The following DLGAP1 variants were observed in gnomAD, a reference collection of about 807,000 sequenced individuals.
DLGAP1 encodes disks large-associated protein 1.
DLGAP1 carries 11 observed loss-of-function variants against 90.8 expected under a neutral mutation model. That is an observed-to-expected ratio of 0.12 (90% CI 0.08 to 0.20). DLGAP1 has a LOEUF of 0.20. Ranked by LOEUF, DLGAP1 falls within the 10% of genes least tolerant of loss-of-function variation. The pLI is 1.00. For missense variants in DLGAP1, 1,050 were observed against 1,333.8 expected, an observed-to-expected ratio of 0.79 and a Z score of 3.31; for synonymous variants, 558 against 540.7, an observed-to-expected ratio of 1.03 and a Z score of -0.44.
intron 7 of DLGAP1, among the ~76,000 whole-genome samples, chr18:3,726,636 A>G (rs909321320): frequency 6.6e-6 from 1 of 152,244 alleles, no homozygotes; most frequent in Non-Finnish European, 1.5e-5. Context: ...AGAATCTACT[A>G]TAATGGTTTA....
intron 2 of DLGAP1, among the ~76,000 whole-genome samples, chr18:4,136,904 G>GT (rs534114562): frequency 5.6e-4 from 83 of 149,326 alleles, no homozygotes; most frequent in African/African-American, 1.7e-3. Context: ...ATTTTGATGT[G>GT]GTTTTTTTAT....
chr18:4,077,121 T>C (rs781445186), intron 2 of DLGAP1, among the ~76,000 whole-genome samples: 1 of 152,134 alleles, frequency 6.6e-6, no homozygotes, highest in Non-Finnish European at 1.5e-5. Flanking sequence ...GGTTAAACAA[T>C]CAGATCTTGT....
At chr18:3,657,005 C>T (rs1465541013) in intron 7 of DLGAP1, among the ~76,000 whole-genome samples, 2 of 152,182 alleles carry the variant, frequency 1.3e-5, no homozygotes, top group African/African-American at 4.8e-5. Flanking sequence ...CTCAGCCTCC[C>T]AAAGTGCTGG....
intron 3 of DLGAP1, among the ~76,000 whole-genome samples, chr18:3,884,790 AC>A (rs1201517280): frequency 6.6e-6 from 1 of 152,218 alleles, no homozygotes; most frequent in African/African-American, 2.4e-5. Flanking sequence ...AAATAAGCTA[AC>A]ATTCCTCCTT....
At chr18:4,289,066 CAG>C (rs1300863348) in intron 1 of DLGAP1, among the ~76,000 whole-genome samples, 2 of 152,096 alleles carry the variant, frequency 1.3e-5, no homozygotes, top group Admixed American at 1.3e-4. Flanking sequence ...ATCTTCAGCC[CAG>C]GGCAGGAGTG....
chr18:4,045,216 A>T (rs1415675274), intron 2 of DLGAP1, among the ~76,000 whole-genome samples: 6 of 151,936 alleles, frequency 3.9e-5, no homozygotes, highest in Non-Finnish European at 7.4e-5. Context: ...TTGCCTTAGG[A>T]GCCATCCATG....
chr18:3,529,468 GT>G (rs904041139), intron 10 of DLGAP1, among the ~76,000 whole-genome samples: 7 of 151,294 alleles, frequency 4.6e-5, no homozygotes, highest in Middle Eastern at 3.2e-3. Context: ...ACTTATTGAA[GT>G]TTTTTTTTAG....
At chr18:3,982,558 C>CA (rs1568333573) in intron 3 of DLGAP1, among the ~76,000 whole-genome samples, 1 of 152,232 alleles carries the variant, frequency 6.6e-6, no homozygotes, top group East Asian at 1.9e-4. Flanking sequence ...ATGGGGGTAC[C>CA]TCTCAGAGAC....
chr18:4,308,924 G>C (rs1455598346), intron 1 of DLGAP1, among the ~76,000 whole-genome samples: 1 of 152,146 alleles, frequency 6.6e-6, no homozygotes, highest in African/African-American at 2.4e-5. Flanking sequence ...ACAGAGGCCA[G>C]AACAACAAAT....
chr18:3,519,673 C>T (rs2051057504), intron 10 of DLGAP1, among the ~76,000 whole-genome samples: 1 of 152,106 alleles, frequency 6.6e-6, no homozygotes, highest in Admixed American at 6.6e-5. Context: ...AGGTTAGTGC[C>T]TTTATTAAAG....
chr18:4,306,192 G>A (rs2080255355), intron 1 of DLGAP1, among the ~76,000 whole-genome samples: 1 of 151,998 alleles, frequency 6.6e-6, no homozygotes, highest in African/African-American at 2.4e-5. Context: ...GAAGGCAATT[G>A]CCTGAGCTCT....
At chr18:3,657,577 T>C (rs2059536086) in intron 7 of DLGAP1, among the ~76,000 whole-genome samples, 1 of 151,952 alleles carries the variant, frequency 6.6e-6, no homozygotes, top group Admixed American at 6.6e-5. Flanking sequence ...GCAAATTCCA[T>C]ATAGTGAATT....
chr18:3,600,921 G>GATATATAGAT lies in DLGAP1; in HGVS notation c.1592-18674_1592-18673insATCTATATAT, dbSNP rs2056949206. 2.1e-5 allele frequency among the ~76,000 whole-genome samples: 2 copies of GATATATAGAT among 95,470 alleles called. 1 individual carries two copies. Among genetic ancestry groups the GATATATAGAT allele is most frequent in the Non-Finnish European group, 4.5e-5 (2 of 44,514 alleles). 62.6% of individuals were successfully genotyped at this position (95,470 alleles called of 152,430 possible). On this transcript the variant is annotated intron_variant, in intron 7 of 12. Coordinates refer to ENST00000315677, the MANE Select transcript of DLGAP1 (RefSeq NM_004746.4). ...ATATATAGATATATAGATAGATATA[G>GATATATAGAT]ATATATATAGATATATAGATAGATA... is the stretch of plus-strand genomic sequence containing the variant.
intron 1 of DLGAP1, among the ~76,000 whole-genome samples, chr18:4,351,255 C>A (rs1456910812): frequency 6.6e-6 from 1 of 152,200 alleles, no homozygotes; most frequent in African/African-American, 2.4e-5. Flanking sequence ...TAGTGGTTGG[C>A]AACTCACACT....
chr18:3,530,965 A>G (rs900972524), intron 10 of DLGAP1, among the ~76,000 whole-genome samples: 4 of 152,174 alleles, frequency 2.6e-5, no homozygotes, highest in Non-Finnish European at 5.9e-5. Context: ...TGGAGCTGTG[A>G]GTGAGAGAGT....
intron 1 of DLGAP1, among the ~76,000 whole-genome samples, chr18:4,271,710 G>A (rs895474957): frequency 7.9e-5 from 12 of 152,112 alleles, no homozygotes; most frequent in South Asian, 2.1e-4. Context: ...TGGAGGTGGT[G>A]ATTCTTATCA....
At chr18:3,694,797 T>C (rs957763056) in intron 7 of DLGAP1, among the ~76,000 whole-genome samples, 4 of 152,270 alleles carry the variant, frequency 2.6e-5, no homozygotes, top group South Asian at 4.2e-4. Flanking sequence ...GTCAGATGGA[T>C]AGATTGCAAA....
chr18:3,926,250 T>C lies in DLGAP1; in HGVS notation c.-72-46110A>G, dbSNP rs371491813. ...GCTGTCCTGTGTCTTGTAGGATATTTAGCAGTATCCCTGGTTTTTATCTTT... is the reference window on the plus strand; with the variant it reads ...GCTGTCCTGTGTCTTGTAGGATATTCAGCAGTATCCCTGGTTTTTATCTTT... On this transcript the variant is annotated intron_variant, in intron 3 of 12. Coordinates refer to ENST00000315677, the MANE Select transcript of DLGAP1 (RefSeq NM_004746.4). Among the ~76,000 whole-genome samples the C allele has an allele frequency of 1.2e-4, 18 of 152,308 alleles. 1 individual carries two copies. The highest frequency in any genetic ancestry group is 1.2e-3 in the Admixed American group (18 of 15,304).
At chr18:3,680,043 C>A (rs1000338802) in intron 7 of DLGAP1, 5 of 152,010 alleles carry the variant, frequency 3.3e-5, no homozygotes, top group Non-Finnish European at 5.9e-5. Context: ...GAAATGTGAA[C>A]CATTTCTCAA....
Sources: gnomAD v4.1 joint callset for allele counts (sites outside exome capture counted in the v4.1 genomes callset) on GRCh38, gnomAD v4.1.1 for gene constraint, MANE v1.5 for transcripts, NCBI Gene and HGNC (gene_info 2026-07-23, HGNC 2026-07-21) for gene names.